The following HEMK2 variants were observed in gnomAD, a reference collection of about 807,000 sequenced individuals.
The protein encoded by HEMK2 is methyltransferase HEMK2.
chr21:28,831,188 T>C, the HEMK2 span, among the ~76,000 whole-genome samples: 1 of 151,946 alleles, frequency 6.6e-6, no homozygotes, highest in Admixed American at 6.6e-5. Context: ...CTCATGCTTA[T>C]AATCCCAGCA....
At chr21:28,718,451 T>C in the HEMK2 span, among the ~76,000 whole-genome samples, 2 of 152,350 alleles carry the variant, frequency 1.3e-5, no homozygotes, top group Admixed American at 1.3e-4. Context: ...TGGTCAAGTG[T>C]TGAATTTAAG....
At chr21:28,726,590 C>T in the HEMK2 span, among the ~76,000 whole-genome samples, 1 of 152,134 alleles carries the variant, frequency 6.6e-6, no homozygotes, top group African/African-American at 2.4e-5. Context: ...ACATCCTAAA[C>T]ATAGCATAGT....
the HEMK2 span, among the ~76,000 whole-genome samples, chr21:28,704,097 A>C: frequency 6.6e-6 from 1 of 152,180 alleles, no homozygotes; most frequent in African/African-American, 2.4e-5. Flanking sequence ...CCCTTGATAT[A>C]TAAACAGTAG....
the HEMK2 span, among the ~76,000 whole-genome samples, chr21:28,774,013 C>T: frequency 2.6e-5 from 4 of 152,152 alleles, no homozygotes; most frequent in African/African-American, 7.2e-5. Flanking sequence ...GCAATTCTTA[C>T]ACCTGCAACA....
At chr21:28,752,730 G>T in the HEMK2 span, among the ~76,000 whole-genome samples, 1 of 152,154 alleles carries the variant, frequency 6.6e-6, no homozygotes, top group Non-Finnish European at 1.5e-5. Context: ...TCATCGGATG[G>T]GGGCAGAAAT....
chr21:28,715,006 G>A, the HEMK2 span, among the ~76,000 whole-genome samples: 1 of 152,288 alleles, frequency 6.6e-6, no homozygotes, highest in East Asian at 1.9e-4. Context: ...ATTCCATGGT[G>A]TATATGTACC....
chr21:28,729,459 A>G, the HEMK2 span, among the ~76,000 whole-genome samples: 7 of 152,126 alleles, frequency 4.6e-5, no homozygotes, highest in African/African-American at 1.2e-4. Context: ...TTTTGTTGAT[A>G]GCAGAGGGAC....
the HEMK2 span, among the ~76,000 whole-genome samples, chr21:28,783,357 G>A: frequency 6.6e-6 from 1 of 152,084 alleles, no homozygotes; most frequent in African/African-American, 2.4e-5. Context: ...GCTAATTTTT[G>A]TAATTTTCGT....
At chr21:28,653,923 C>T in the HEMK2 span, among the ~76,000 whole-genome samples, 1 of 152,102 alleles carries the variant, frequency 6.6e-6, no homozygotes, top group East Asian at 1.9e-4. Context: ...TCTTTTTATC[C>T]CTTGAAGTCA....
the HEMK2 span, among the ~76,000 whole-genome samples, chr21:28,584,226 T>G: frequency 1.3e-5 from 2 of 152,230 alleles, no homozygotes; most frequent in South Asian, 4.1e-4. Context: ...TATCAACAGT[T>G]AATTTTGGTG....
the HEMK2 span, among the ~76,000 whole-genome samples, chr21:28,685,702 A>G: frequency 1.3e-5 from 2 of 152,220 alleles, no homozygotes; most frequent in African/African-American, 4.8e-5. Flanking sequence ...ATAAGGAAAC[A>G]TGTTCTGTAT....
chr21:28,878,171 C>T, the HEMK2 span: 2 of 1,512,894 alleles, frequency 1.3e-6, no homozygotes, highest in African/African-American at 1.4e-5. Context: ...AATGCTTAAA[C>T]AATAAATTGG....
At chr21:28,832,597 T>C in the HEMK2 span, among the ~76,000 whole-genome samples, 3 of 152,344 alleles carry the variant, frequency 2.0e-5, no homozygotes, top group East Asian at 5.8e-4. Context: ...ATCTAGCTCC[T>C]CCTGTATTCA....
At chr21:28,801,580 T>A in the HEMK2 span, among the ~76,000 whole-genome samples, 1 of 151,878 alleles carries the variant, frequency 6.6e-6, no homozygotes, top group Non-Finnish European at 1.5e-5. Context: ...AAAAATATAT[T>A]TGAAATTTAT....
chr21:28,739,261 C>T, the HEMK2 span, among the ~76,000 whole-genome samples: 1,806 of 152,262 alleles, frequency 0.012, 41 homozygotes, highest in African/African-American at 0.042. Flanking sequence ...GAACACAGGT[C>T]TTTCTCTTTT....
chr21:28,766,707 C>T, the HEMK2 span, among the ~76,000 whole-genome samples: 1 of 152,064 alleles, frequency 6.6e-6, no homozygotes, highest in Non-Finnish European at 1.5e-5. Context: ...TTTGCAACAA[C>T]TTGAAGAGAG....
chr21:28,640,857 G>A, the HEMK2 span, among the ~76,000 whole-genome samples: 1 of 152,088 alleles, frequency 6.6e-6, no homozygotes, highest in Non-Finnish European at 1.5e-5. Flanking sequence ...TCTAACTCTG[G>A]TCTGCCCTGC....
At chr21:28,603,547 A>ATGTGTGTG in the HEMK2 span, among the ~76,000 whole-genome samples, 37 of 80,832 alleles carry the variant, frequency 4.6e-4, no homozygotes, top group African/African-American at 1.7e-3. Flanking sequence ...CTGAGGATAT[A>ATGTGTGTG]TATGTGTGTG....
the HEMK2 span, among the ~76,000 whole-genome samples, chr21:28,773,713 A>T: frequency 6.6e-6 from 1 of 152,164 alleles, no homozygotes. Flanking sequence ...GACAAGGATC[A>T]TCTCTGGGAA....
Sources: gnomAD v4.1 joint callset for allele counts (sites outside exome capture counted in the v4.1 genomes callset) on GRCh38, gnomAD v4.1.1 for gene constraint, MANE v1.5 for transcripts, NCBI Gene and HGNC (gene_info 2026-07-23, HGNC 2026-07-21) for gene names.